LHB: variants seen among roughly 807,000 people sequenced by gnomAD.
LHB encodes the protein lutropin subunit beta.
In LHB, 11 loss-of-function variants were observed where a neutral mutation model predicts 10.6. The observed-to-expected ratio is 1.04, with a 90% confidence interval of 0.66 to 1.72. LHB has a LOEUF of 1.72. LHB is among the 40% of genes most tolerant of loss of function. LHB has a pLI of 0.00. For synonymous variants in LHB, 86 were observed against 83.1 expected (o/e 1.03, Z -0.19); for missense variants, 184 against 197.3 (o/e 0.93, Z 0.41).
rs771737595 is a variant in LHB at position 49,016,140 on chromosome 19, A to G, written c.354T>C (p.Ser118=). Residue 118 remains serine, a synonymous_variant, in exon 3 of 3, where the codon TCT becomes TCC. Coordinates refer to ENST00000649238, the MANE Select transcript of LHB (RefSeq NM_000894.3). ...GGTGGTCTTTGGGACCCCCACAGTC[A>G]GAGGTGCTGCGGCGGCAGGGTCCAC... The part of the protein sequence containing the change: ...CRCGPCRRST[S]DCGGPKDHPL... 1 of 1,612,858 alleles carries G rather than the reference A, an allele frequency of 6.2e-7. No individual in the cohort carries two copies. Among genetic ancestry groups the G allele is most frequent in the Admixed American group, 1.7e-5 (1 of 60,014 alleles).
upstream of LHB, chr19:49,019,262 C>T (rs2039600039): frequency 1.5e-6 from 2 of 1,291,096 alleles, no homozygotes; most frequent in South Asian, 2.2e-5. Context: ...CAAACCCAAG[C>T]CCCCAGCCAC....
At chr19:49,019,099 G>T (rs549742490), upstream of LHB, 5 of 1,441,578 alleles carry the variant, frequency 3.5e-6, no homozygotes, top group Admixed American at 1.3e-4. Context: ...CTTCGGCCTC[G>T]ACAGCCATGA....
intron 1 of LHB, 45 bp from the exon 2 acceptor site, chr19:49,016,759 C>G (rs773261428): frequency 1.2e-6 from 2 of 1,606,020 alleles, no homozygotes; most frequent in Non-Finnish European, 1.7e-6. Context: ...ACCGCAGCCC[C>G]GAGTCCTGGC....
chr19:49,018,545 G>A (rs1168866784), upstream of LHB, among the ~76,000 whole-genome samples: 1 of 152,094 alleles, frequency 6.6e-6, no homozygotes, highest in African/African-American at 2.4e-5. Flanking sequence ...TCGCATCCTA[G>A]GGAAGTAAAA....
At chr19:49,017,179 G>C (rs2039570299), upstream of LHB, 7 of 1,580,914 alleles carry the variant, frequency 4.4e-6, no homozygotes, top group Non-Finnish European at 6.1e-6. Context: ...GGGTAACCTG[G>C]ACACTAATCC....
chr19:49,016,756 C>T (rs1568646892), intron 1 of LHB, 42 bp from the exon 2 acceptor site: 5 of 1,606,444 alleles, frequency 3.1e-6, no homozygotes, highest in Admixed American at 3.3e-5. Context: ...GAGACCGCAG[C>T]CCCGAGTCCT....
upstream of LHB, chr19:49,019,440 G>T (rs760655641): frequency 3.7e-5 from 47 of 1,256,796 alleles, no homozygotes; most frequent in Non-Finnish European, 4.6e-5. Context: ...GTCTAGCTCC[G>T]CAGCAGCTTA....
upstream of LHB, chr19:49,018,971 C>G: frequency 1.3e-6 from 2 of 1,533,796 alleles, no homozygotes; most frequent in Non-Finnish European, 1.7e-6. Context: ...GGCCAGACAG[C>G]TCGGGGTTCT....
At chr19:49,018,270 A>G, upstream of LHB, 1 of 1,057,658 alleles carries the variant, frequency 9.5e-7, no homozygotes, top group Non-Finnish European at 1.2e-6. Flanking sequence ...CCGTGGCTCC[A>G]GACCTGGGGC....
chr19:49,019,177 G>A, upstream of LHB: 1 of 1,410,322 alleles, frequency 7.1e-7, no homozygotes, highest in East Asian at 2.6e-5. Flanking sequence ...GGGAACTTCA[G>A]CTTCCTTTCT....
In LHB at chr19:49,016,565, G is replaced by C. The variant is rs373146287; in HGVS notation, c.165C>G (p.Ala55=). 19 of 1,609,556 alleles carry C rather than the reference G, an allele frequency of 1.2e-5. No individual in the cohort carries two copies. The South Asian group carries it at 1.8e-4, about 15-fold the overall frequency. The change falls in exon 2 of 3, where the codon GCC becomes GCG. Residue 55 remains alanine, a synonymous_variant. Transcript: ENST00000649238. ...VCITVNTTIC[A]GYCPTMMRVL... ...AGCTCACCATGGTGGGGCAGTAGCC[G>C]GCACAGATGGTGGTGTTGACGGTGA...
intron 1 of LHB, 93 bp downstream of exon 1, chr19:49,016,974 G>C (rs2039566369): frequency 1.2e-6 from 2 of 1,611,368 alleles, no homozygotes; most frequent in East Asian, 2.2e-5. Context: ...CCAGAAAGAG[G>C]CCTCCTTCCA....
At chr19:49,016,406 C>T (rs2039554084) in intron 2 of LHB, 96 bp from the exon 3 acceptor site, 4 of 1,598,878 alleles carry the variant, frequency 2.5e-6, no homozygotes, top group African/African-American at 1.3e-5. Flanking sequence ...ACTCAGGAGC[C>T]CAGGAAGCCC....
chr19:49,019,241 T>G (rs557776647), upstream of LHB: 6 of 1,336,688 alleles, frequency 4.5e-6, no homozygotes, highest in East Asian at 3.0e-5. Context: ...CCTTCTGCTG[T>G]TCAAGGAACT....
rs779016630 is a variant in LHB, at chr19:49,015,994, C to A, written c.*74G>T. ...CACCTCCAGAGTGCGGATTGAGAAG[C>A]CTTTATTGTGGGAGGATCGGGGTGT... On this transcript the variant is annotated 3_prime_UTR_variant, in exon 3 of 3. Transcript: ENST00000649238. 6.2e-7 allele frequency: 1 copy of A among 1,614,062 alleles called. No individual in the cohort carries two copies. The highest frequency in any genetic ancestry group is 1.3e-5 in the African/African-American group (1 of 74,930).
chr19:49,016,807 A>G (rs1364683506), intron 1 of LHB, 93 bp from the exon 2 acceptor site: 2 of 1,597,954 alleles, frequency 1.3e-6, no homozygotes, highest in Non-Finnish European at 8.5e-7. Flanking sequence ...ACAAAGACCC[A>G]GAGACCCTTC....
Position 49,016,309 on chromosome 19 carries a change from A to C in LHB, c.185T>G (p.Met62Arg). Reference sequence around the variant, plus strand: ...CGGCAGGACCGCCTGCAGCACGCGCATCTGGAGGCCGTGTGAGTGGGGGAA... The same window carrying C: ...CGGCAGGACCGCCTGCAGCACGCGCCTCTGGAGGCCGTGTGAGTGGGGGAA... ...TICAGYCPTM[M>R]RVLQAVLPPL... is the part of the protein sequence containing the mutation. The change falls in exon 3 of 3, where the codon ATG becomes AGG. Residue 62 changes from methionine to arginine, a missense_variant and splice_region_variant. By Grantham distance (91) the Met-to-Arg change is moderately conservative (BLOSUM62 -1). Transcript: ENST00000649238. 6.2e-7 allele frequency: 1 copy of C among 1,610,700 alleles called. No individual in the cohort carries two copies. The highest frequency in any genetic ancestry group is 1.3e-5 in the African/African-American group (1 of 74,976).
upstream of LHB, chr19:49,017,188 C>G (rs1186642845): frequency 1.9e-6 from 3 of 1,562,834 alleles, no homozygotes; most frequent in Admixed American, 5.0e-5. Flanking sequence ...GGACACTAAT[C>G]CCCCCGGGGG....
upstream of LHB, chr19:49,017,503 A>C: frequency 8.8e-7 from 1 of 1,132,666 alleles, no homozygotes; most frequent in Non-Finnish European, 1.1e-6. Flanking sequence ...ACCTAACAGG[A>C]GGGGCGCTGC....
Sources: allele counts gnomAD v4.1 joint callset (sites outside exome capture counted in the v4.1 genomes callset), GRCh38; gene constraint gnomAD v4.1.1; transcripts MANE v1.5; gene names NCBI Gene and HGNC (gene_info 2026-07-23, HGNC 2026-07-21).